The following CCNY variants were observed in gnomAD, a reference collection of about 807,000 sequenced individuals.
CCNY encodes cyclin-Y.
In CCNY, 19 loss-of-function variants were observed where a neutral mutation model predicts 42.8. The observed-to-expected ratio is 0.44, with a 90% CI of 0.31 to 0.65. The LOEUF (loss-of-function observed/expected upper bound fraction) is 0.65. Among genes scored for constraint, CCNY ranks in the 30% least tolerant of loss-of-function variants. The pLI is 0.07. For missense variants in CCNY, 370 were observed against 437.3 expected, an observed-to-expected ratio of 0.85 and a Z score of 1.37; for synonymous variants, 165 against 162.7, an observed-to-expected ratio of 1.01 and a Z score of -0.11.
intron 1 of CCNY, among the ~76,000 whole-genome samples, chr10:35,432,827 A>G (rs2135282529): frequency 6.6e-6 from 1 of 152,342 alleles, no homozygotes; most frequent in East Asian, 1.9e-4. Flanking sequence ...AGACAAAACA[A>G]ATCTTTTAAT....
At chr10:35,553,872 C>T (rs190097727) in intron 8 of CCNY, among the ~76,000 whole-genome samples, 11 of 152,244 alleles carry the variant, frequency 7.2e-5, no homozygotes, top group African/African-American at 2.6e-4. Flanking sequence ...AGACTGTTGT[C>T]TGGGGGGTCT....
At chr10:35,420,469 G>C (rs1838135368) in intron 1 of CCNY, among the ~76,000 whole-genome samples, 1 of 152,148 alleles carries the variant, frequency 6.6e-6, no homozygotes, top group Admixed American at 6.5e-5. Flanking sequence ...ATTTGGCACA[G>C]GTAGCTTTTC....
intron 3 of CCNY, chr10:35,320,717 T>C (rs541435110): frequency 6.6e-6 from 1 of 152,274 alleles, no homozygotes; most frequent in South Asian, 2.1e-4. Context: ...GTAGAAACAT[T>C]TAAGGAATCT....
At chr10:35,441,576 C>G (rs1838669985) in intron 1 of CCNY, among the ~76,000 whole-genome samples, 1 of 152,096 alleles carries the variant, frequency 6.6e-6, no homozygotes, top group Admixed American at 6.6e-5. Flanking sequence ...GAAACCTCAT[C>G]TCAACTAAAA....
chr10:35,261,258 G>A (rs1350380470), intron 3 of CCNY, among the ~76,000 whole-genome samples: 1 of 69,500 alleles, frequency 1.4e-5, no homozygotes, highest in Non-Finnish European at 2.9e-5. Context: ...TTTTTTTTTT[G>A]AGAGGGAGTC....
chr10:35,319,157 G>A (rs77756474), intron 3 of CCNY, among the ~76,000 whole-genome samples: 3,913 of 152,204 alleles, frequency 0.026, 64 homozygotes, highest in Non-Finnish European at 0.041. Flanking sequence ...TAGAGATGAG[G>A]TCTTGCTGTG....
In CCNY at chr10:35,357,648, T is replaced by C. The variant is rs112231549; in HGVS notation, c.154+20441T>C. Among the ~76,000 whole-genome samples, 511 of 152,368 alleles carry C rather than the reference T, an allele frequency of 3.4e-3. 4 individuals are homozygous for C. The highest frequency in any genetic ancestry group is 0.012 in the African/African-American group (482 of 41,586). On this transcript the variant is annotated intron_variant, in intron 1 of 9. Coordinates refer to ENST00000374704, the MANE Select transcript of CCNY (RefSeq NM_145012.6). ...TTGGGGATGCTAACTTTGATCACTTTGTGAAGCTGTGTCATATTCTAGGTT... is the reference window on the plus strand; with the variant it reads ...TTGGGGATGCTAACTTTGATCACTTCGTGAAGCTGTGTCATATTCTAGGTT...
At chr10:35,527,591 T>C (rs115739761) in intron 5 of CCNY, among the ~76,000 whole-genome samples, 3,360 of 152,270 alleles carry the variant, frequency 0.022, 116 homozygotes, top group African/African-American at 0.076. Context: ...ATGATACAAC[T>C]AGTAAATTGG....
intron 3 of CCNY, among the ~76,000 whole-genome samples, chr10:35,269,624 TTTTTTTG>T (rs996369785): frequency 2.9e-5 from 4 of 138,532 alleles, no homozygotes; most frequent in Non-Finnish European, 4.5e-5. Flanking sequence ...ACTCTTTTTT[TTTTTTTG>T]TTTTGTTTTT....
chr10:35,424,989 C>G (rs1838235334), intron 1 of CCNY, among the ~76,000 whole-genome samples: 1 of 152,188 alleles, frequency 6.6e-6, no homozygotes, highest in Non-Finnish European at 1.5e-5. Flanking sequence ...CCTGCTCCCA[C>G]CCCGGTACAA....
chr10:35,262,303 A>G (rs1022155915), intron 3 of CCNY, among the ~76,000 whole-genome samples: 12 of 146,656 alleles, frequency 8.2e-5, no homozygotes, highest in African/African-American at 3.0e-4. Context: ...TGAGTGTCAC[A>G]CAGAAGGTCA....
At chr10:35,272,267 G>A (rs1349931631) in intron 3 of CCNY, among the ~76,000 whole-genome samples, 4 of 151,640 alleles carry the variant, frequency 2.6e-5, no homozygotes, top group South Asian at 2.1e-4. Context: ...GATTACAGGC[G>A]TGAGCCACTG....
At chr10:35,290,095 A>G (rs1016571946) in intron 3 of CCNY, among the ~76,000 whole-genome samples, 1 of 151,780 alleles carries the variant, frequency 6.6e-6, no homozygotes, top group East Asian at 1.9e-4. Flanking sequence ...GCGTGGTGGC[A>G]TGCGTTTGTA....
intron 1 of CCNY, among the ~76,000 whole-genome samples, chr10:35,357,271 A>G (rs1242411203): frequency 7.1e-6 from 1 of 141,750 alleles, no homozygotes; most frequent in African/African-American, 2.6e-5. Context: ...GTCTGAAATT[A>G]TCTTATTTGC....
chr10:35,340,390 G>A (rs1197446679), intron 1 of CCNY, among the ~76,000 whole-genome samples: 2 of 152,070 alleles, frequency 1.3e-5, no homozygotes, highest in Admixed American at 1.3e-4. Flanking sequence ...AGGGAGGGAG[G>A]GACTAAAGAG....
At chr10:35,497,661 A>C (rs575545970) in intron 2 of CCNY, among the ~76,000 whole-genome samples, 3 of 147,210 alleles carry the variant, frequency 2.0e-5, no homozygotes, top group Non-Finnish European at 4.5e-5. Context: ...AATTGCTTGA[A>C]CCTGGGAGGT....
At chr10:35,269,453 G>T (rs1372068664) in intron 3 of CCNY, among the ~76,000 whole-genome samples, 1 of 150,924 alleles carries the variant, frequency 6.6e-6, no homozygotes, top group African/African-American at 2.4e-5. Flanking sequence ...AGTAGCCGGG[G>T]TTACTACACC....
intron 1 of CCNY, chr10:35,449,936 A>G (rs896800857): frequency 1.4e-4 from 39 of 271,470 alleles, no homozygotes; most frequent in African/African-American, 7.8e-4. Flanking sequence ...CGGTGGGACC[A>G]GTCAGCAGGA....
At position 35,559,634 on chromosome 10, in the gene CCNY, G is replaced by A. The variant is rs573705054; in HGVS notation, c.747-6389G>A. Among the ~76,000 whole-genome samples, 8 of 152,346 alleles carry A rather than the reference G, an allele frequency of 5.3e-5. No individual in the cohort carries two copies. The South Asian group carries it at 1.0e-3, about 20-fold the overall frequency. ...CAGCCATCTCAGCAGAAGCGCTGCC[G>A]GCTTGCACCAAAGGGCCCAGAGACA... On this transcript the variant is annotated intron_variant, in intron 8 of 9. Coordinates refer to ENST00000374704, the MANE Select transcript of CCNY (RefSeq NM_145012.6).
Sources: allele counts gnomAD v4.1 joint callset (sites outside exome capture counted in the v4.1 genomes callset), GRCh38; gene constraint gnomAD v4.1.1; transcripts MANE v1.5; gene names NCBI Gene and HGNC (gene_info 2026-07-23, HGNC 2026-07-21).